Variants in CTBP2 observed in about 807,000 individuals in gnomAD.
CTBP2 encodes C-terminal binding protein 2, also known as C-terminal-binding protein 2.
CTBP2 carries 30 observed loss-of-function variants against 80.3 expected under a neutral mutation model. The observed-to-expected ratio is 0.37, with a 90% confidence interval of 0.28 to 0.51. The LOEUF (loss-of-function observed/expected upper bound fraction) is 0.51. Among genes scored for constraint, CTBP2 ranks in the 20% least tolerant of loss-of-function variants. The probability of loss-of-function intolerance (pLI) is 0.93; values close to 1 mark genes in which losing one functional copy is unlikely to be tolerated. For synonymous variants in CTBP2, 594 were observed against 587.4 expected, an observed-to-expected ratio of 1.01 and a Z score of -0.16; for missense variants, 1,212 against 1,375.3, an observed-to-expected ratio of 0.88 and a Z score of 1.88.
chr10:125,071,930 C>G (rs1201593534), intron 2 of CTBP2, among the ~76,000 whole-genome samples: 1 of 152,110 alleles, frequency 6.6e-6, no homozygotes, highest in African/African-American at 2.4e-5. Context: ...CAGCTGCCCG[C>G]AGGGTACTTG....
Position 124,984,877 on chromosome 10 carries a change from G to A in CTBP2, c.*4641C>T, listed in dbSNP as rs774002081. Reference sequence around the variant, plus strand: ...GCCATGCAGAAGAGTTCTCGGCGGCGAAATCACCCCCTGGTCACTCAGATG... The same window carrying A: ...GCCATGCAGAAGAGTTCTCGGCGGCAAAATCACCCCCTGGTCACTCAGATG... On this transcript the variant is annotated 3_prime_UTR_variant, in exon 9 of 9. Transcript: ENST00000309035. The A allele has an allele frequency of 3.1e-6, 5 of 1,613,964 alleles. No homozygotes were observed. Among genetic ancestry groups the A allele is most frequent in the East Asian group, 2.2e-5 (1 of 44,878 alleles).
At chr10:125,132,719 C>A (rs1856385369) in intron 1 of CTBP2, among the ~76,000 whole-genome samples, 1 of 152,190 alleles carries the variant, frequency 6.6e-6, no homozygotes, top group African/African-American at 2.4e-5. Context: ...AAAAAAAACT[C>A]CACTAAAATA....
intron 1 of CTBP2, among the ~76,000 whole-genome samples, chr10:125,149,626 T>A (rs1033108722): frequency 1.3e-5 from 2 of 152,196 alleles, no homozygotes. Flanking sequence ...ATTTCCAGAA[T>A]ACACATGTGC....
At chr10:125,067,956 C>T (rs1844897771) in intron 2 of CTBP2, among the ~76,000 whole-genome samples, 2 of 152,330 alleles carry the variant, frequency 1.3e-5, no homozygotes, top group Middle Eastern at 6.8e-3. Context: ...CCAATTTCAC[C>T]TCTCCTTGGT....
At chr10:125,092,915 G>T (rs77077689) in intron 2 of CTBP2, among the ~76,000 whole-genome samples, 8 of 143,332 alleles carry the variant, frequency 5.6e-5, no homozygotes, top group Non-Finnish European at 1.3e-4. Context: ...CTTCTAGAGT[G>T]GGGGGGGGCA....
intron 3 of CTBP2, chr10:125,000,763 T>C (rs1447243229): frequency 1.3e-5 from 2 of 152,226 alleles, no homozygotes; most frequent in Non-Finnish European, 2.9e-5. Flanking sequence ...CGAGGGACCC[T>C]CTTTCATCAG....
At chr10:125,083,687 G>A (rs1443395422) in intron 2 of CTBP2, among the ~76,000 whole-genome samples, 2 of 152,196 alleles carry the variant, frequency 1.3e-5, no homozygotes, top group Non-Finnish European at 2.9e-5. Flanking sequence ...AGGCTGGAGT[G>A]CAGTCTTGAC....
At chr10:125,061,334 T>G (rs899090927) in intron 2 of CTBP2, among the ~76,000 whole-genome samples, 14 of 152,084 alleles carry the variant, frequency 9.2e-5, no homozygotes, top group African/African-American at 3.4e-4. Flanking sequence ...AGGGGAAAGC[T>G]CTCGCTGGGC....
intron 2 of CTBP2, among the ~76,000 whole-genome samples, chr10:125,083,750 T>C (rs997817115): frequency 1.3e-5 from 2 of 152,172 alleles, no homozygotes; most frequent in Non-Finnish European, 1.5e-5. Flanking sequence ...GCTGTGACTG[T>C]AGGCACGCAC....
At position 125,027,593 on chromosome 10, in the gene CTBP2, C is replaced by A. The variant is rs201365198; in HGVS notation, c.167G>T (p.Arg56Leu). Residue 56 changes from arginine to leucine, a missense_variant, in exon 1 of 9, where the codon CGA becomes CTA. By Grantham distance (102) the Arg-to-Leu change is moderately radical (BLOSUM62 -2). Around this residue, in one of 3 missense-constraint regions of CTBP2, gnomAD observed 848 missense variants for 782.3 expected, o/e 1.08. Coordinates refer to ENST00000309035, the MANE Select transcript of CTBP2 (RefSeq NM_022802.3). ...CACGGGCAGGGCAGCGTCCTGTGGT[C>A]GGTGGTTTGGCTCAAACCAAGTCCC... The A allele has an allele frequency of 6.2e-7, 1 of 1,614,038 alleles. No individual in the cohort carries two copies. Among genetic ancestry groups the A allele is most frequent in the Non-Finnish European group, 8.5e-7 (1 of 1,180,036 alleles).
upstream of CTBP2, among the ~76,000 whole-genome samples, chr10:125,030,437 A>G (rs932786114): frequency 2.6e-5 from 4 of 152,252 alleles, no homozygotes; most frequent in Non-Finnish European, 5.9e-5. Flanking sequence ...ACAGAGATCC[A>G]GACAATTCCA....
chr10:125,003,527 GTGGC>G, intron 1 of CTBP2, 35 bp from the exon 4 acceptor site: 1 of 1,508,052 alleles, frequency 6.6e-7, no homozygotes, highest in Non-Finnish European at 8.9e-7. Context: ...CAGTGGGTGG[GTGGC>G]TGGGGCCACA....
chr10:125,061,753 G>GGTGAGGTGCCACCTCC (rs1256366965), intron 2 of CTBP2, among the ~76,000 whole-genome samples: 1 of 152,108 alleles, frequency 6.6e-6, no homozygotes, highest in African/African-American at 2.4e-5. Flanking sequence ...GATGCACCTC[G>GGTGAGGTGCCACCTCC]GTGAGGTGCC....
rs147873331 is a variant in CTBP2 at position 124,991,296 on chromosome 10, A to T, written c.2777+1399T>A. ...CTGCCATCCTGTCACCAAGACCTTCAGAAGGACTCTGGTCATTAGGGTCCC... is the reference window on the plus strand; with the variant it reads ...CTGCCATCCTGTCACCAAGACCTTCTGAAGGACTCTGGTCATTAGGGTCCC... On this transcript the variant is annotated intron_variant, in intron 8 of 8. Coordinates refer to ENST00000309035, the MANE Select transcript of CTBP2 (RefSeq NM_022802.3). 1.2e-3 allele frequency among the ~76,000 whole-genome samples: 176 copies of T among 152,278 alleles called. 1 individual carries two copies. The highest frequency in any genetic ancestry group is 4.0e-3 in the African/African-American group (168 of 41,560).
chr10:125,045,183 G>T lies in CTBP2; in HGVS notation c.-101-6028C>A, dbSNP rs182513374. 9.9e-5 allele frequency among the ~76,000 whole-genome samples: 15 copies of T among 152,100 alleles called. No individual in the cohort carries two copies. The East Asian group carries it at 2.9e-3, about 29-fold the overall frequency. ...CCAATAGATGATCTTGCTGCCCCAC[G>T]CGAGGATACAGCCAGGAGGTCTACA... On this transcript the variant is annotated intron_variant, in intron 2 of 10. Coordinates refer to the CTBP2 transcript ENST00000337195.
chr10:125,071,176 C>T (rs1845427810), intron 2 of CTBP2, among the ~76,000 whole-genome samples: 1 of 152,182 alleles, frequency 6.6e-6, no homozygotes, highest in Admixed American at 6.5e-5. Context: ...CAACCACCGC[C>T]TGCTGAGAGG....
At chr10:125,148,457 A>G (rs968358362) in intron 1 of CTBP2, among the ~76,000 whole-genome samples, 1 of 152,218 alleles carries the variant, frequency 6.6e-6, no homozygotes, top group Non-Finnish European at 1.5e-5. Context: ...CTAGAAAACA[A>G]AAGAGAATTA....
chr10:125,053,126 A>G (rs1963163925), intron 2 of CTBP2, among the ~76,000 whole-genome samples: 1 of 152,208 alleles, frequency 6.6e-6, no homozygotes, highest in African/African-American at 2.4e-5. Flanking sequence ...CACAACTTCC[A>G]GGATAATTCA....
In CTBP2 at chr10:125,042,775, C is replaced by T. The variant is rs547297423; in HGVS notation, c.-101-3620G>A. Among the ~76,000 whole-genome samples, 15 of 152,248 alleles carry T rather than the reference C, an allele frequency of 9.9e-5. No individual in the cohort carries two copies. The East Asian group carries it at 1.2e-3, about 12-fold the overall frequency. ...CCCCCTTGCACACTCATCCCCGCAG[C>T]GAATAATCATTCCCTTCTGGCTGAG... On this transcript the variant is annotated intron_variant, in intron 2 of 10. Coordinates refer to the CTBP2 transcript ENST00000337195.
Sources: allele counts gnomAD v4.1 joint callset (sites outside exome capture counted in the v4.1 genomes callset), GRCh38; gene constraint gnomAD v4.1.1; regional missense constraint gnomAD v4.1.1; transcripts MANE v1.5; gene names NCBI Gene and HGNC (gene_info 2026-07-23, HGNC 2026-07-21).